The following TENM2 variants were observed in gnomAD, a reference collection of about 807,000 sequenced individuals.
TENM2 encodes the protein teneurin-2.
Under a neutral mutation model 245.2 loss-of-function variants are expected in TENM2, and 52 were observed. The ratio of observed to expected loss-of-function variants is 0.21; its 90% CI spans 0.17 to 0.27. The LOEUF (loss-of-function observed/expected upper bound fraction) is 0.27, where lower values mean the gene tolerates loss of function less well. TENM2 is among the 10% of genes least tolerant of loss of function. The pLI is 1.00. For missense variants in TENM2, 3,046 were observed against 3,666.8 expected (o/e 0.83, Z 4.37); for synonymous variants, 1,363 against 1,438.9 (o/e 0.95, Z 1.19).
At position 167,755,251 on chromosome 5, in the gene TENM2, G is replaced by A. The variant is rs998609920; in HGVS notation, c.503-120735G>A. 16 of 1,327,618 alleles carry A rather than the reference G, an allele frequency of 1.2e-5. No individual in the cohort carries two copies. The Admixed American group carries it at 1.7e-4, about 14-fold the overall frequency. 82.2% of individuals were successfully genotyped at this position (1,327,618 alleles called of 1,614,324 possible). A position where few individuals can be genotyped will look rare whatever the true frequency, so the allele number is the denominator to read the frequency against. On this transcript the variant is annotated intron_variant, in intron 2 of 28. Coordinates refer to ENST00000518659, the Ensembl canonical transcript of TENM2. ...TTGCAAGCACCTGTCCTCACTGACA[G>A]GGTAGTTGGAGTATTTACTTTAACC...
the TENM2 span, among the ~76,000 whole-genome samples, chr5:167,194,439 A>G: frequency 9.4e-3 from 1,433 of 152,116 alleles, 22 homozygotes; most frequent in African/African-American, 0.033. Context: ...ATGTACATCA[A>G]AGCTCATCTA....
At chr5:167,196,832 G>T in the TENM2 span, among the ~76,000 whole-genome samples, 2 of 151,824 alleles carry the variant, frequency 1.3e-5, no homozygotes, top group Non-Finnish European at 2.9e-5. Flanking sequence ...TAGGTTACAT[G>T]CAAATACCAT....
Position 168,070,812 on chromosome 5 carries a change from AGAGAGAG to A in TENM2, c.1515+8548_1515+8554del, listed in dbSNP as rs1562120889. Among the ~76,000 whole-genome samples the A allele has an allele frequency of 3.4e-3, 464 of 136,296 alleles. 2 individuals carry two copies. Among genetic ancestry groups the A allele is most frequent in the African/African-American group, 0.012 (438 of 37,776 alleles). 89.4% of individuals were successfully genotyped at this position (136,296 alleles called of 152,430 possible). On this transcript the variant is annotated intron_variant, in intron 7 of 28. Transcript: ENST00000518659. ...GAAAGAAAGAGAGAGAGAGAGAGAG[AGAGAGAG>A]AAAAAAAGAAAGAAGAAAAAGAAAA... is the stretch of plus-strand genomic sequence containing the variant.
intron 12 of TENM2, among the ~76,000 whole-genome samples, chr5:168,140,379 C>T (rs1024831795): frequency 1.3e-5 from 2 of 152,140 alleles, no homozygotes; most frequent in Non-Finnish European, 1.5e-5. Flanking sequence ...ATTCAAGAAG[C>T]GTGGGCAGGA....
chr5:167,383,664 G>A (rs937853729), intron 2 of TENM2, among the ~76,000 whole-genome samples: 8 of 137,162 alleles, frequency 5.8e-5, no homozygotes, highest in South Asian at 5.1e-4. Context: ...CTGTCCTCTC[G>A]TTAAAACTAG....
At chr5:167,583,473 T>TACACACACACAC (rs10682735) in intron 2 of TENM2, among the ~76,000 whole-genome samples, 4,220 of 137,454 alleles carry the variant, frequency 0.031, 100 homozygotes, top group African/African-American at 0.06. Context: ...TGAGTATATG[T>TACACACACACAC]ACACACACAC....
chr5:167,010,035 C>T, the TENM2 span, among the ~76,000 whole-genome samples: 24 of 152,030 alleles, frequency 1.6e-4, no homozygotes. Context: ...GAACCACGAA[C>T]CATAGGAAGT....
intron 2 of TENM2, among the ~76,000 whole-genome samples, chr5:167,615,617 A>G (rs1419957559): frequency 6.6e-6 from 1 of 152,032 alleles, no homozygotes; most frequent in African/African-American, 2.4e-5. Flanking sequence ...GGGGACTTAG[A>G]CCTCTGACAT....
the TENM2 span, among the ~76,000 whole-genome samples, chr5:167,031,300 C>A: frequency 2.0e-5 from 3 of 152,234 alleles, no homozygotes. Flanking sequence ...TCATTTCAAC[C>A]AAAGCTACAG....
chr5:167,101,342 A>T, the TENM2 span, among the ~76,000 whole-genome samples: 1 of 152,240 alleles, frequency 6.6e-6, no homozygotes, highest in Non-Finnish European at 1.5e-5. Context: ...ATGGAACACC[A>T]TCTATATTCT....
chr5:168,013,778 C>T (rs1171377877), intron 5 of TENM2, among the ~76,000 whole-genome samples: 1 of 152,192 alleles, frequency 6.6e-6, no homozygotes, highest in Non-Finnish European at 1.5e-5. Context: ...CACTGAGGGG[C>T]TTACAACACA....
At chr5:167,823,468 T>G (rs1264153748) in intron 2 of TENM2, among the ~76,000 whole-genome samples, 1 of 152,182 alleles carries the variant, frequency 6.6e-6, no homozygotes, top group Non-Finnish European at 1.5e-5. Flanking sequence ...CAAATTCTCC[T>G]TCTATTCATT....
At chr5:167,601,900 T>C (rs547650881) in intron 2 of TENM2, among the ~76,000 whole-genome samples, 1 of 151,924 alleles carries the variant, frequency 6.6e-6, no homozygotes, top group Admixed American at 6.6e-5. Flanking sequence ...GTACATCTAT[T>C]GCTTAATAAT....
intron 7 of TENM2, among the ~76,000 whole-genome samples, chr5:168,070,669 G>A (rs1486349955): frequency 6.6e-6 from 1 of 150,848 alleles, no homozygotes; most frequent in Non-Finnish European, 1.5e-5. Flanking sequence ...TCTGCCCATA[G>A]TCCCAGCTAC....
chr5:167,590,548 T>C (rs1018160026), intron 2 of TENM2, among the ~76,000 whole-genome samples: 1 of 152,094 alleles, frequency 6.6e-6, no homozygotes, highest in African/African-American at 2.4e-5. Flanking sequence ...CTTAATGTAA[T>C]AGAAGAACCA....
rs548330504 is a variant in TENM2 at position 167,396,135 on chromosome 5, A to C, written c.502+20662A>C. Among the ~76,000 whole-genome samples, 8 of 152,316 alleles carry C rather than the reference A, an allele frequency of 5.3e-5. No individual in the cohort carries two copies. The East Asian group carries it at 1.5e-3, about 29-fold the overall frequency. On this transcript the variant is annotated intron_variant, in intron 2 of 28. Coordinates refer to ENST00000518659, the Ensembl canonical transcript of TENM2. ...ATTTATTCAAAAGAATTAAAATCAG[A>C]ATCTCAAAGGGATAGATGCACCCCC...
chr5:167,481,777 A>G (rs1325921781), intron 2 of TENM2, among the ~76,000 whole-genome samples: 7 of 152,352 alleles, frequency 4.6e-5, no homozygotes, highest in Admixed American at 4.6e-4. Flanking sequence ...ACATACAAAA[A>G]GAATTTCAGT....
At chr5:167,037,427 T>A in the TENM2 span, among the ~76,000 whole-genome samples, 2 of 152,234 alleles carry the variant, frequency 1.3e-5, no homozygotes, top group South Asian at 4.1e-4. Context: ...CACTAAGTTC[T>A]ATGATTTGGA....
chr5:168,244,402 C>T lies in TENM2; in HGVS notation c.5521-18C>T. ...CCTGGGTGATGTCTTTCAAACAAGG[C>T]CTGTTGTGTTTTCCTAGGTCCATGG... On this transcript the variant is annotated intron_variant, in intron 25 of 28. Transcript: ENST00000518659. This position sits in a 1 kb window ranked among gnomAD's most constrained non-coding sequence, Gnocchi z 4.9. 1 of 1,504,362 alleles carries T rather than the reference C, an allele frequency of 6.6e-7. No homozygotes were observed. The highest frequency in any genetic ancestry group is 9.0e-7 in the Non-Finnish European group (1 of 1,116,536). The allele number at this position is 1,504,362 out of a possible 1,614,324, so 93.2% of individuals were successfully genotyped here.
Sources: gnomAD v4.1 joint callset for allele counts (sites outside exome capture counted in the v4.1 genomes callset) on GRCh38, gnomAD v4.1.1 for gene constraint, Gnocchi (gnomAD v3.1) non-coding constraint, MANE v1.5 for transcripts, NCBI Gene and HGNC (gene_info 2026-07-23, HGNC 2026-07-21) for gene names.